The following KIF1B variants were observed in gnomAD, a reference collection of about 807,000 sequenced individuals.
The protein encoded by KIF1B is kinesin-like protein KIF1B.
Under a neutral mutation model 241.9 loss-of-function variants are expected in KIF1B, and 76 were observed. That is an observed-to-expected ratio of 0.31 (90% CI 0.26 to 0.38). KIF1B has a LOEUF of 0.38. KIF1B is among the 10% of genes least tolerant of loss of function. KIF1B has a pLI of 1.00. For missense variants in KIF1B, 1,622 were observed against 2,271.4 expected, an observed-to-expected ratio of 0.71 and a Z score of 5.81; for synonymous variants, 750 against 796.7, an observed-to-expected ratio of 0.94 and a Z score of 0.99.
At chr1:10,243,461 T>A (rs1647166078) in intron 2 of KIF1B, among the ~76,000 whole-genome samples, 1 of 152,168 alleles carries the variant, frequency 6.6e-6, no homozygotes. Context: ...ATACCATAAT[T>A]AGTAATTAAA....
At chr1:10,321,929 C>T in intron 24 of KIF1B, 72 bp downstream of exon 24, 1 of 1,552,442 alleles carries the variant, frequency 6.4e-7, no homozygotes, top group Non-Finnish European at 8.9e-7. Flanking sequence ...GGGTTCTCAC[C>T]TTGAATTAAC....
At chr1:10,369,819 C>T (rs1638677099) in intron 44 of KIF1B, among the ~76,000 whole-genome samples, 1 of 151,904 alleles carries the variant, frequency 6.6e-6, no homozygotes, top group Admixed American at 6.6e-5. Flanking sequence ...GTAATACCAG[C>T]TACTCAGGAG....
intron 2 of KIF1B, among the ~76,000 whole-genome samples, chr1:10,233,843 T>C (rs533300332): frequency 6.6e-5 from 10 of 151,856 alleles, no homozygotes; most frequent in Non-Finnish European, 1.5e-4. Context: ...GGTTTCACCA[T>C]GTTGGCCAGG....
At chr1:10,265,564 G>T (rs1648411540) in intron 5 of KIF1B, among the ~76,000 whole-genome samples, 1 of 152,084 alleles carries the variant, frequency 6.6e-6, no homozygotes, top group Non-Finnish European at 1.5e-5. Context: ...ACAAATTAAG[G>T]CCAGGTGCGG....
intron 22 of KIF1B, chr1:10,307,643 T>C (rs1650895041): frequency 3.0e-6 from 3 of 1,015,714 alleles, no homozygotes; most frequent in Non-Finnish European, 3.5e-6. Context: ...TTCTCTAAGC[T>C]TAAATACCAC....
rs1345549312 is a variant in KIF1B, at chr1:10,378,449, T to G, written c.*1862T>G. On this transcript the variant is annotated 3_prime_UTR_variant, in exon 49 of 49. Coordinates refer to ENST00000676179, the MANE Select transcript of KIF1B (RefSeq NM_001365951.3). The stretch of plus-strand genomic sequence containing the variant: ...AAAAGAAAGCCTCCAGTGACTTCAG[T>G]TGCTTTGCCAGTTGTCTTGGGATTG... 5 of 717,788 alleles carry G rather than the reference T, an allele frequency of 7.0e-6. No individual in the cohort carries two copies. Among genetic ancestry groups the G allele is most frequent in the Middle Eastern group, 2.3e-4 (1 of 4,374 alleles). The allele number at this position is 717,788 out of a possible 1,614,324, so 44.5% of individuals were successfully genotyped here.
chr1:10,252,673 A>G (rs910190421), intron 2 of KIF1B, among the ~76,000 whole-genome samples: 4 of 151,792 alleles, frequency 2.6e-5, no homozygotes, highest in Non-Finnish European at 5.9e-5. Context: ...GAGCTTCCCA[A>G]AGTGCTGGGA....
intron 43 of KIF1B, among the ~76,000 whole-genome samples, chr1:10,367,199 G>A (rs887884858): frequency 4.6e-5 from 7 of 151,454 alleles, no homozygotes; most frequent in Non-Finnish European, 1.0e-4. Context: ...AGGTTCAAGC[G>A]ATTCTCCTTC....
chr1:10,271,490 G>T lies in KIF1B; in HGVS notation c.721-12G>T. 1.2e-6 allele frequency: 2 copies of T among 1,602,630 alleles called. No homozygotes were observed. Among genetic ancestry groups the T allele is most frequent in the Non-Finnish European group, 1.7e-6 (2 of 1,169,600 alleles). The stretch of plus-strand genomic sequence containing the variant: ...ATTTTTGAATTGCCCCCATGTTATT[G>T]TTCTTTATCAGGTCAGTAAAATCAG... On this transcript the variant is annotated splice_polypyrimidine_tract_variant and intron_variant, in intron 7 of 48. Transcript: ENST00000676179.
chr1:10,216,695 T>C (rs537549274), intron 1 of KIF1B, among the ~76,000 whole-genome samples: 1 of 152,270 alleles, frequency 6.6e-6, no homozygotes, highest in South Asian at 2.1e-4. Flanking sequence ...TTATAAAATC[T>C]GGACCCCTTG....
intron 8 of KIF1B, 108 bp downstream of exon 8, chr1:10,271,687 T>C (rs901728985): frequency 6.2e-6 from 5 of 807,796 alleles, no homozygotes; most frequent in Non-Finnish European, 8.6e-6. Flanking sequence ...ATGTATTGTC[T>C]ATGGCTGCTT....
chr1:10,308,547 A>G, intron 22 of KIF1B: 3 of 1,021,812 alleles, frequency 2.9e-6, no homozygotes, highest in Non-Finnish European at 3.5e-6. Flanking sequence ...GTTAGTTTGT[A>G]ATGTTAAAAA....
At chr1:10,294,068 C>A (rs1462425056) in intron 17 of KIF1B, among the ~76,000 whole-genome samples, 1 of 152,164 alleles carries the variant, frequency 6.6e-6, no homozygotes, top group Non-Finnish European at 1.5e-5. Flanking sequence ...TTCTCTTTAA[C>A]CATCTTTTAT....
chr1:10,302,262 T>G (rs981820258), intron 22 of KIF1B, among the ~76,000 whole-genome samples: 4 of 152,202 alleles, frequency 2.6e-5, no homozygotes, highest in African/African-American at 9.6e-5. Context: ...TTTATTGATT[T>G]GTGTGTGTGA....
At chr1:10,302,162 G>A (rs556909046) in intron 22 of KIF1B, among the ~76,000 whole-genome samples, 2 of 152,118 alleles carry the variant, frequency 1.3e-5, no homozygotes, top group South Asian at 4.2e-4. Flanking sequence ...TGTGACTTGG[G>A]GAATTTTAAA....
In KIF1B at chr1:10,337,047, A is replaced by G. The variant is rs758191918; in HGVS notation, c.3130-27A>G. 1.9e-6 allele frequency: 3 copies of G among 1,613,980 alleles called. No individual in the cohort carries two copies. The highest frequency in any genetic ancestry group is 1.6e-4 in the Middle Eastern group (1 of 6,084). On this transcript the variant is annotated intron_variant, in intron 29 of 48. Transcript: ENST00000676179. The surrounding 1 kb of genome is among the most constrained non-coding windows in gnomAD (Gnocchi z 4.0). ...AAATACGTTTTTATACTACTTTACC[A>G]TGTATCTGCCCCTGCCTTTTTTTCA...
chr1:10,311,026 C>G (rs1651042761), intron 22 of KIF1B, among the ~76,000 whole-genome samples: 1 of 151,428 alleles, frequency 6.6e-6, no homozygotes, highest in Admixed American at 6.6e-5. Flanking sequence ...GATAAACTGT[C>G]CTTGATCCTC....
intron 7 of KIF1B, among the ~76,000 whole-genome samples, chr1:10,269,934 TA>T (rs1648694813): frequency 6.6e-6 from 1 of 152,218 alleles, no homozygotes; most frequent in Non-Finnish European, 1.5e-5. Flanking sequence ...AAGAACATTG[TA>T]TGTGAAGGTG....
rs746861402 is a variant in KIF1B at position 10,278,145 on chromosome 1, T to G, written c.1180+17T>G. ...TTATTGATAGTAAGTGAATTAAGGA[T>G]CGTTACAAAATCTAATCCTTTCTTC... is the stretch of plus-strand genomic sequence containing the variant. On this transcript the variant is annotated intron_variant, in intron 13 of 48. Transcript: ENST00000676179. 8 of 1,612,892 alleles carry G rather than the reference T, an allele frequency of 5.0e-6. No homozygotes were observed. The highest frequency in any genetic ancestry group is 5.9e-6 in the Non-Finnish European group (7 of 1,178,932).
Sources: gnomAD v4.1 joint callset for allele counts (sites outside exome capture counted in the v4.1 genomes callset) on GRCh38, gnomAD v4.1.1 for gene constraint, Gnocchi (gnomAD v3.1) non-coding constraint, MANE v1.5 for transcripts, NCBI Gene and HGNC (gene_info 2026-07-23, HGNC 2026-07-21) for gene names.